IL1RAPL2: variants seen among roughly 807,000 people sequenced by gnomAD.
The protein encoded by IL1RAPL2 is X-linked interleukin-1 receptor accessory protein-like 2.
A neutral mutation model predicts 44.1 loss-of-function variants in IL1RAPL2; 3 were observed. The ratio of observed to expected loss-of-function variants is 0.07; its 90% CI spans 0.03 to 0.18. The LOEUF (loss-of-function observed/expected upper bound fraction) is 0.18, where lower values mean the gene tolerates loss of function less well. IL1RAPL2 is among the 10% of genes least tolerant of loss of function. The pLI is 1.00. For synonymous variants in IL1RAPL2, 181 were observed against 178.8 expected, an observed-to-expected ratio of 1.01 and a Z score of -0.10; for missense variants, 391 against 496.4, an observed-to-expected ratio of 0.79 and a Z score of 2.02.
At chrX:105,033,405 T>G (rs1161081846) in intron 2 of IL1RAPL2, among the ~76,000 whole-genome samples, 1 of 111,613 alleles carries the variant, frequency 9.0e-6, no homozygotes, top group Non-Finnish European at 1.9e-5. Context: ...AGGAGCTCTT[T>G]TAGGGCAGGC....
At chrX:104,985,543 T>C (rs1249032984) in intron 2 of IL1RAPL2, among the ~76,000 whole-genome samples, 1 of 112,078 alleles carries the variant, frequency 8.9e-6, no homozygotes, top group Non-Finnish European at 1.9e-5. Flanking sequence ...CATCTGGTTA[T>C]AGAGGTTATA....
At chrX:105,232,705 T>C (rs1556196921) in intron 3 of IL1RAPL2, among the ~76,000 whole-genome samples, 1 of 112,375 alleles carries the variant, frequency 8.9e-6, no homozygotes, top group African/African-American at 3.2e-5. Context: ...ATATTTATTG[T>C]AGTTAGTTAG....
intron 2 of IL1RAPL2, among the ~76,000 whole-genome samples, chrX:104,791,268 G>T (rs1383057978): frequency 2.0e-5 from 2 of 98,514 alleles, no homozygotes; most frequent in Non-Finnish European, 4.0e-5. Context: ...AAGGCCCAGG[G>T]AGAAACAACC....
chrX:104,946,379 CAAAAAAAA>C (rs1157603029), intron 2 of IL1RAPL2, among the ~76,000 whole-genome samples: 14 of 9,140 alleles, frequency 1.5e-3, no homozygotes, highest in Admixed American at 2.5e-3. Context: ...GACTCCGTCT[CAAAAAAAA>C]AAAAAAAAAA....
intron 6 of IL1RAPL2, among the ~76,000 whole-genome samples, chrX:105,705,146 G>C: frequency 9.1e-6 from 1 of 109,993 alleles, no homozygotes; most frequent in East Asian, 2.9e-4. Flanking sequence ...AATTAATTCA[G>C]GGAGAGAATG....
chrX:104,806,100 A>G (rs1932920884), intron 2 of IL1RAPL2, among the ~76,000 whole-genome samples: 1 of 112,208 alleles, frequency 8.9e-6, no homozygotes, highest in Admixed American at 9.5e-5. Flanking sequence ...GGAGATTCTA[A>G]TATGCCACCA....
chrX:104,890,480 A>G (rs942713745), intron 2 of IL1RAPL2, among the ~76,000 whole-genome samples: 2 of 111,701 alleles, frequency 1.8e-5, no homozygotes, highest in Non-Finnish European at 3.8e-5. Context: ...ACTTTTTAAT[A>G]GTTGCCATTC....
intron 2 of IL1RAPL2, among the ~76,000 whole-genome samples, chrX:104,791,178 GCCCTGCCCTTCCCTT>G (rs911601069): frequency 4.6e-5 from 5 of 107,624 alleles, no homozygotes; most frequent in Admixed American, 3.0e-4. Flanking sequence ...GCCCTGCCTT[GCCCTGCCCTTCCCTT>G]CCCTGCCCTT....
chrX:105,747,512 G>C (rs1282322633), intron 8 of IL1RAPL2, among the ~76,000 whole-genome samples: 1 of 54,199 alleles, frequency 1.8e-5, no homozygotes, highest in Admixed American at 2.8e-4. Flanking sequence ...GTGTGTGTGT[G>C]TGTGTATATA....
chrX:104,717,031 C>T (rs918370217), intron 2 of IL1RAPL2, among the ~76,000 whole-genome samples: 5 of 111,670 alleles, frequency 4.5e-5, no homozygotes, highest in African/African-American at 1.6e-4. Flanking sequence ...TAAATGCTGA[C>T]GAATGATAGA....
At chrX:104,779,190 T>A (rs1373068241) in intron 2 of IL1RAPL2, among the ~76,000 whole-genome samples, 1 of 112,480 alleles carries the variant, frequency 8.9e-6, no homozygotes, top group Admixed American at 9.4e-5. Flanking sequence ...GATAGAAATG[T>A]GTTTTTTGAC....
chrX:104,827,704 A>G (rs1040247247), intron 2 of IL1RAPL2, among the ~76,000 whole-genome samples: 4 of 111,944 alleles, frequency 3.6e-5, no homozygotes, highest in African/African-American at 9.7e-5. Flanking sequence ...CTCCAGGATA[A>G]TATCCTGAAG....
At chrX:105,699,270 C>T (rs1324989913) in intron 6 of IL1RAPL2, among the ~76,000 whole-genome samples, 2 of 111,248 alleles carry the variant, frequency 1.8e-5, no homozygotes, top group African/African-American at 6.5e-5. Context: ...TGCATTCTGT[C>T]ACCCAACTGC....
intron 6 of IL1RAPL2, among the ~76,000 whole-genome samples, chrX:105,515,717 C>T (rs1357685272): frequency 1.8e-5 from 2 of 111,537 alleles, no homozygotes; most frequent in Non-Finnish European, 3.8e-5. Flanking sequence ...TTACATAAGA[C>T]TATCTTGACT....
At chrX:105,035,488 A>T (rs752779654) in intron 2 of IL1RAPL2, among the ~76,000 whole-genome samples, 1 of 112,219 alleles carries the variant, frequency 8.9e-6, no homozygotes, top group Non-Finnish European at 1.9e-5. Context: ...AAAATTGGGG[A>T]AATACTGTAA....
chrX:105,184,316 A>G (rs113150540), intron 2 of IL1RAPL2, among the ~76,000 whole-genome samples: 97 of 111,177 alleles, frequency 8.7e-4, no homozygotes, highest in African/African-American at 3.1e-3. Context: ...AGCCATCTTG[A>G]ATCCTTCCTG....
intron 2 of IL1RAPL2, among the ~76,000 whole-genome samples, chrX:104,995,578 C>T (rs2030734132): frequency 8.9e-6 from 1 of 112,053 alleles, no homozygotes; most frequent in South Asian, 3.7e-4. Context: ...GCCTGGCTAT[C>T]AGGCTGAATT....
intron 5 of IL1RAPL2, among the ~76,000 whole-genome samples, chrX:105,273,245 C>T (rs1461510077): frequency 9.0e-6 from 1 of 110,842 alleles, no homozygotes; most frequent in African/African-American, 3.3e-5. Flanking sequence ...GGTGTTGGGG[C>T]TCAGAAAACA....
rs369556416 is a variant in IL1RAPL2, at chrX:104,995,822, T to C, written c.83-199653T>C. Among the ~76,000 whole-genome samples the C allele has an allele frequency of 1.8e-4, 20 of 111,854 alleles. No homozygotes were observed. The East Asian group carries it at 2.3e-3, about 13-fold the overall frequency. On this transcript the variant is annotated intron_variant, in intron 2 of 10. Coordinates refer to ENST00000372582, the MANE Select transcript of IL1RAPL2 (RefSeq NM_017416.2). ...CCTATAAGCTGGCTTTGATCCCTCT[T>C]ATCTCTTTTCCTGAAAGGGTGTCAC...
Sources: gnomAD v4.1 joint callset for allele counts (sites outside exome capture counted in the v4.1 genomes callset) on GRCh38, gnomAD v4.1.1 for gene constraint, MANE v1.5 for transcripts, NCBI Gene and HGNC (gene_info 2026-07-23, HGNC 2026-07-21) for gene names.